NRG1: variants seen among roughly 807,000 people sequenced by gnomAD.
The protein encoded by NRG1 is pro-neuregulin-1, membrane-bound isoform.
NRG1 carries 18 observed loss-of-function variants against 63.8 expected under a neutral mutation model. The ratio of observed to expected loss-of-function variants is 0.28; its 90% CI spans 0.19 to 0.42. NRG1 has a LOEUF of 0.42. Ranked by LOEUF, NRG1 falls within the 10% of genes least tolerant of loss-of-function variation. NRG1 has a pLI of 1.00. For synonymous variants in NRG1, 302 were observed against 301.3 expected, an observed-to-expected ratio of 1.00 and a Z score of -0.02; for missense variants, 762 against 814.7, an observed-to-expected ratio of 0.94 and a Z score of 0.79.
chr8:32,685,019 A>G (rs1809715563), intron 5 of NRG1, among the ~76,000 whole-genome samples: 1 of 152,170 alleles, frequency 6.6e-6, no homozygotes, highest in South Asian at 2.1e-4. Context: ...ATTTTCCCCA[A>G]TGGTAACATT....
chr8:32,040,740 A>C (rs1277722702), intron 1 of NRG1, among the ~76,000 whole-genome samples: 2 of 16,174 alleles, frequency 1.2e-4, no homozygotes, highest in African/African-American at 2.7e-4. Flanking sequence ...ATATATATGA[A>C]ATTTAGGCGC....
chr8:32,403,947 C>A (rs1011786516), intron 1 of NRG1, among the ~76,000 whole-genome samples: 1 of 152,182 alleles, frequency 6.6e-6, no homozygotes. Context: ...CTGTTGCCAC[C>A]TTCCCAAGCA....
intron 1 of NRG1, among the ~76,000 whole-genome samples, chr8:31,853,579 T>A (rs1252656589): frequency 6.6e-6 from 1 of 151,052 alleles, no homozygotes; most frequent in East Asian, 2.0e-4. Flanking sequence ...TGACTTCCTC[T>A]TTTCCTAATT....
intron 10 of NRG1, 87 bp downstream of exon 10, chr8:32,759,523 C>A: frequency 1.4e-6 from 2 of 1,475,326 alleles, no homozygotes; most frequent in Non-Finnish European, 1.8e-6. Context: ...AGAAAGGAGG[C>A]AGTGAAATGG....
intron 1 of NRG1, among the ~76,000 whole-genome samples, chr8:32,325,226 A>G (rs1014826683): frequency 2.6e-5 from 4 of 152,192 alleles, no homozygotes; most frequent in Admixed American, 2.0e-4. Context: ...CCTTTATTGC[A>G]ATGTTTTACT....
intron 1 of NRG1, among the ~76,000 whole-genome samples, chr8:32,081,623 GGTT>G (rs1827480085): frequency 6.6e-6 from 1 of 152,054 alleles, no homozygotes; most frequent in Non-Finnish European, 1.5e-5. Flanking sequence ...TCTGAAACAT[GGTT>G]GTTAAGTCAT....
intron 1 of NRG1, among the ~76,000 whole-genome samples, chr8:32,007,091 G>A (rs1434763989): frequency 1.3e-5 from 2 of 151,972 alleles, no homozygotes; most frequent in African/African-American, 4.8e-5. Flanking sequence ...TAAATGAATA[G>A]TCTCCCTTAG....
chr8:31,847,332 T>A (rs1826785152), intron 1 of NRG1, among the ~76,000 whole-genome samples: 1 of 152,066 alleles, frequency 6.6e-6, no homozygotes, highest in Admixed American at 6.6e-5. Flanking sequence ...AGAGTTTCTC[T>A]ACTTCCATGT....
At chr8:32,078,452 A>G (rs1047084254) in intron 1 of NRG1, among the ~76,000 whole-genome samples, 1 of 152,190 alleles carries the variant, frequency 6.6e-6, no homozygotes, top group Non-Finnish European at 1.5e-5. Flanking sequence ...TGAATTATTC[A>G]GTCCCAGGTA....
At chr8:31,701,908 T>C (rs1161763057) in intron 1 of NRG1, among the ~76,000 whole-genome samples, 1 of 152,192 alleles carries the variant, frequency 6.6e-6, no homozygotes, top group Non-Finnish European at 1.5e-5. Context: ...TCAAAGAGTG[T>C]TCCTTGGAGC....
intron 9 of NRG1, among the ~76,000 whole-genome samples, chr8:32,758,063 C>A (rs1278059357): frequency 6.6e-6 from 1 of 152,144 alleles, no homozygotes; most frequent in Non-Finnish European, 1.5e-5. Context: ...AAGCATAATT[C>A]AAGCTGTATA....
rs1338557078 is a variant in NRG1 at position 32,284,489 on chromosome 8, G to GCCTGCCTGCCTTCCTTCCTTCCTT, written c.38-311336_38-311335insGCCTGCCTTCCTTCCTTCCTTCCT. On this transcript the variant is annotated intron_variant, in intron 1 of 10. Transcript: ENST00000519301. ...ATAATGCTTGCCTCCCTGCCTGCCT[G>GCCTGCCTGCCTTCCTTCCTTCCTT]CCTTCCTTCCTTCCTTCCTTCCTTC... Among the ~76,000 whole-genome samples, 765 of 132,544 alleles carry GCCTGCCTGCCTTCCTTCCTTCCTT rather than the reference G, an allele frequency of 5.8e-3. 2 individuals are homozygous for GCCTGCCTGCCTTCCTTCCTTCCTT. Among genetic ancestry groups the GCCTGCCTGCCTTCCTTCCTTCCTT allele is most frequent in the Middle Eastern group, 0.011 (3 of 262 alleles). 87.0% of individuals were successfully genotyped at this position (132,544 alleles called of 152,430 possible). A position where few individuals can be genotyped will look rare whatever the true frequency, so the allele number is the denominator to read the frequency against.
intron 1 of NRG1, among the ~76,000 whole-genome samples, chr8:32,355,161 T>C (rs940752018): frequency 6.6e-6 from 1 of 152,142 alleles, no homozygotes; most frequent in Non-Finnish European, 1.5e-5. Context: ...ATTACAAAAT[T>C]GAAAGGCAAA....
At chr8:32,095,937 T>A (rs539502243) in intron 1 of NRG1, among the ~76,000 whole-genome samples, 1 of 152,292 alleles carries the variant, frequency 6.6e-6, no homozygotes, top group South Asian at 2.1e-4. Flanking sequence ...GCTGAGGCTA[T>A]GTAGTTTGAA....
chr8:32,362,032 C>G (rs1807283888), intron 1 of NRG1, among the ~76,000 whole-genome samples: 1 of 152,124 alleles, frequency 6.6e-6, no homozygotes, highest in Non-Finnish European at 1.5e-5. Flanking sequence ...GATAACTACC[C>G]CAGTGACACC....
intron 1 of NRG1, among the ~76,000 whole-genome samples, chr8:32,128,110 A>G (rs1040056756): frequency 3.3e-5 from 5 of 151,916 alleles, no homozygotes; most frequent in Non-Finnish European, 5.9e-5. Context: ...TTTTGGCTGC[A>G]ACATTTTTGG....
intron 1 of NRG1, among the ~76,000 whole-genome samples, chr8:32,553,749 A>G (rs1234126253): frequency 1.3e-5 from 2 of 152,160 alleles, no homozygotes; most frequent in African/African-American, 4.8e-5. Context: ...CCTGCCCCTC[A>G]CTATCTTTTT....
At chr8:32,656,005 T>C (rs1171800057) in intron 5 of NRG1, among the ~76,000 whole-genome samples, 1 of 152,100 alleles carries the variant, frequency 6.6e-6, no homozygotes, top group Admixed American at 6.6e-5. Context: ...TCTCAAAAGA[T>C]GGGAATTAAC....
At chr8:32,344,602 A>AT (rs61448713) in intron 1 of NRG1, among the ~76,000 whole-genome samples, 1,237 of 101,084 alleles carry the variant, frequency 0.012, 48 homozygotes, top group African/African-American at 0.043. Context: ...ACACTCAGCT[A>AT]TTTTTTTTTT....
Sources: allele counts gnomAD v4.1 joint callset (sites outside exome capture counted in the v4.1 genomes callset), GRCh38; gene constraint gnomAD v4.1.1; transcripts MANE v1.5; gene names NCBI Gene and HGNC (gene_info 2026-07-23, HGNC 2026-07-21).